The following ANKS1B variants were observed in gnomAD, a reference collection of about 807,000 sequenced individuals.
ANKS1B encodes ankyrin repeat and sterile alpha motif domain containing 1B.
A neutral mutation model predicts 148.3 loss-of-function variants in ANKS1B; 36 were observed. That is an observed-to-expected ratio of 0.24 (90% CI 0.19 to 0.32). The LOEUF is 0.32. Among genes scored for constraint, ANKS1B ranks in the 10% least tolerant of loss-of-function variants. The pLI is 1.00. For synonymous variants in ANKS1B, 542 were observed against 560.8 expected (o/e 0.97, Z 0.47); for missense variants, 1,157 against 1,542.6 (o/e 0.75, Z 4.19).
intron 15 of ANKS1B, among the ~76,000 whole-genome samples, chr12:99,122,854 A>G (rs2063238638): frequency 6.6e-6 from 1 of 152,098 alleles, no homozygotes; most frequent in South Asian, 2.1e-4. Flanking sequence ...AAAAGTATGC[A>G]TTAGCAAGAA....
intron 12 of ANKS1B, chr12:99,344,901 T>C (rs2090452455): frequency 1.3e-5 from 2 of 152,202 alleles, no homozygotes; most frequent in South Asian, 4.1e-4. Context: ...ACCTCTTAAA[T>C]AGGCTGCACT....
chr12:99,435,558 A>G (rs1335578906), intron 11 of ANKS1B, among the ~76,000 whole-genome samples: 1 of 152,028 alleles, frequency 6.6e-6, no homozygotes, highest in Non-Finnish European at 1.5e-5. Context: ...GGGCCACTAC[A>G]GGGCTTTACA....
intron 12 of ANKS1B, among the ~76,000 whole-genome samples, chr12:99,257,046 C>A (rs1362954488): frequency 6.6e-6 from 1 of 152,066 alleles, no homozygotes; most frequent in Admixed American, 6.6e-5. Flanking sequence ...AGATCGAGAC[C>A]ATCCTGGCTA....
intron 17 of ANKS1B, among the ~76,000 whole-genome samples, chr12:99,001,520 C>A (rs993985925): frequency 2.0e-5 from 3 of 151,980 alleles, no homozygotes; most frequent in Non-Finnish European, 4.4e-5. Context: ...TTTTTCCCAG[C>A]TTTTTTGAGG....
intron 12 of ANKS1B, among the ~76,000 whole-genome samples, chr12:99,387,577 CAG>C (rs151028846): frequency 0.044 from 6,647 of 151,644 alleles, 414 homozygotes; most frequent in African/African-American, 0.13. Context: ...GCCTGGGCGA[CAG>C]AGTGAGACTC....
chr12:99,832,864 T>C (rs1164549047), intron 1 of ANKS1B, among the ~76,000 whole-genome samples: 2 of 152,194 alleles, frequency 1.3e-5, no homozygotes, highest in East Asian at 3.8e-4. Flanking sequence ...TGAAATGTTA[T>C]GCAACTATTA....
intron 8 of ANKS1B, among the ~76,000 whole-genome samples, chr12:99,743,190 C>T (rs2060281104): frequency 6.6e-6 from 1 of 152,102 alleles, no homozygotes; most frequent in South Asian, 2.1e-4. Flanking sequence ...ACAAAATGAA[C>T]TTCTATTATT....
At chr12:99,434,556 AACC>A (rs1212784074) in intron 11 of ANKS1B, among the ~76,000 whole-genome samples, 2 of 152,128 alleles carry the variant, frequency 1.3e-5, no homozygotes, top group Non-Finnish European at 2.9e-5. Flanking sequence ...CCATTTTAAT[AACC>A]ACATTTATTT....
intron 12 of ANKS1B, among the ~76,000 whole-genome samples, chr12:99,384,749 T>C (rs565899996): frequency 8.9e-4 from 136 of 152,134 alleles, no homozygotes; most frequent in Non-Finnish European, 1.5e-3. Flanking sequence ...AAACCATCTC[T>C]GATTCTTCTG....
At chr12:99,194,224 T>A (rs2081116087) in intron 14 of ANKS1B, among the ~76,000 whole-genome samples, 1 of 152,148 alleles carries the variant, frequency 6.6e-6, no homozygotes, top group Non-Finnish European at 1.5e-5. Flanking sequence ...TTGAAATTGA[T>A]ATCATATTGC....
chr12:99,055,724 G>GC (rs869071558), intron 16 of ANKS1B, among the ~76,000 whole-genome samples: 10 of 84,728 alleles, frequency 1.2e-4, no homozygotes, highest in African/African-American at 2.5e-4. Context: ...CTAAACTTGG[G>GC]GGGGGGGGAG....
Position 99,015,916 on chromosome 12 carries a change from T to C in ANKS1B, c.2778+37241A>G, listed in dbSNP as rs117763787. ...AAAAACACAGCTTCAAGTTTGTAGA[T>C]CTATGGTCATTCAGTCTATGACACT... On this transcript the variant is annotated intron_variant, in intron 17 of 26. Transcript: ENST00000683438. Among the ~76,000 whole-genome samples, 535 of 152,178 alleles carry C rather than the reference T, an allele frequency of 3.5e-3. 24 individuals carry two copies. In the East Asian group the frequency reaches 0.073, roughly 21 times the overall value.
chr12:99,816,505 C>T (rs546628224), intron 2 of ANKS1B, among the ~76,000 whole-genome samples: 7 of 151,136 alleles, frequency 4.6e-5, no homozygotes, highest in Non-Finnish European at 7.4e-5. Context: ...TATTTATTTT[C>T]GTTTTTGTTT....
chr12:99,338,752 T>G (rs1166707861), intron 12 of ANKS1B, among the ~76,000 whole-genome samples: 5 of 152,130 alleles, frequency 3.3e-5, no homozygotes, highest in African/African-American at 1.2e-4. Context: ...GAATCTTGCC[T>G]GGATGATGTC....
chr12:99,626,233 T>C (rs2098111958), intron 9 of ANKS1B, among the ~76,000 whole-genome samples: 1 of 152,144 alleles, frequency 6.6e-6, no homozygotes, highest in Admixed American at 6.6e-5. Flanking sequence ...AAATTACAAA[T>C]TTAATTATCA....
intron 14 of ANKS1B, among the ~76,000 whole-genome samples, chr12:99,192,778 T>A (rs946935458): frequency 6.6e-6 from 1 of 152,116 alleles, no homozygotes; most frequent in African/African-American, 2.4e-5. Flanking sequence ...GACTATTATG[T>A]AAAAAAATTC....
chr12:98,792,534 C>G (rs1353179136), intron 22 of ANKS1B, among the ~76,000 whole-genome samples: 1 of 152,134 alleles, frequency 6.6e-6, no homozygotes, highest in East Asian at 1.9e-4. Context: ...TGCAATTGGG[C>G]ACCAGAACTT....
intron 16 of ANKS1B, among the ~76,000 whole-genome samples, chr12:99,056,666 A>G (rs984556556): frequency 2.6e-5 from 4 of 152,356 alleles, no homozygotes; most frequent in Middle Eastern, 3.4e-3. Context: ...TGTACCCAAT[A>G]AATGTAACTA....
intron 9 of ANKS1B, among the ~76,000 whole-genome samples, chr12:98,737,757 A>C (rs953896119): frequency 5.9e-5 from 9 of 152,220 alleles, no homozygotes; most frequent in Non-Finnish European, 1.3e-4. Context: ...CATTAGGGGA[A>C]AGTAAAACTT....
Sources: allele counts gnomAD v4.1 joint callset (sites outside exome capture counted in the v4.1 genomes callset), GRCh38; gene constraint gnomAD v4.1.1; transcripts MANE v1.5; gene names NCBI Gene and HGNC (gene_info 2026-07-23, HGNC 2026-07-21).